Variants in CLSTN2 observed in about 807,000 individuals in gnomAD.
CLSTN2 encodes the protein calsyntenin-2.
A neutral mutation model predicts 101.2 loss-of-function variants in CLSTN2; 48 were observed. That is an observed-to-expected ratio of 0.47 (90% confidence interval 0.38 to 0.60). The LOEUF (loss-of-function observed/expected upper bound fraction) is 0.60, where lower values mean the gene tolerates loss of function less well. CLSTN2 is among the 20% of genes least tolerant of loss of function. The pLI is 0.00. For missense variants in CLSTN2, 1,160 were observed against 1,238.2 expected (o/e 0.94, Z 0.95); for synonymous variants, 481 against 463.6 (o/e 1.04, Z -0.48).
chr3:140,099,097 T>C (rs911622802), intron 1 of CLSTN2, among the ~76,000 whole-genome samples: 2 of 152,172 alleles, frequency 1.3e-5, no homozygotes, highest in East Asian at 1.9e-4. Flanking sequence ...TCTCACCCAA[T>C]TGCAGTTTTC....
At chr3:140,384,450 G>A (rs185986279) in intron 2 of CLSTN2, among the ~76,000 whole-genome samples, 53 of 152,248 alleles carry the variant, frequency 3.5e-4, no homozygotes, top group African/African-American at 1.3e-3. Context: ...CTTCTGTGGG[G>A]GTTGTCAGCA....
intron 1 of CLSTN2, among the ~76,000 whole-genome samples, chr3:140,099,378 T>TC (rs780534648): frequency 1.3e-5 from 2 of 152,140 alleles, no homozygotes; most frequent in South Asian, 2.1e-4. Flanking sequence ...ATTGCTCTAA[T>TC]CTTTGCCTCC....
At chr3:140,163,753 A>G (rs568339101) in intron 1 of CLSTN2, among the ~76,000 whole-genome samples, 184 of 151,162 alleles carry the variant, frequency 1.2e-3, no homozygotes, top group Non-Finnish European at 2.2e-3. Flanking sequence ...CTGTTCCCTC[A>G]TCCATGAAGT....
intron 4 of CLSTN2, among the ~76,000 whole-genome samples, chr3:140,415,793 G>T (rs1392326065): frequency 2.6e-5 from 4 of 152,114 alleles, no homozygotes; most frequent in African/African-American, 7.2e-5. Context: ...CATCATGAAT[G>T]TACCTCAAAA....
chr3:140,001,565 A>G (rs1316819766), intron 1 of CLSTN2, among the ~76,000 whole-genome samples: 4 of 152,068 alleles, frequency 2.6e-5, no homozygotes, highest in African/African-American at 7.2e-5. Flanking sequence ...TAATAATAGC[A>G]TCTCATAAAG....
intron 5 of CLSTN2, among the ~76,000 whole-genome samples, chr3:140,430,200 G>A (rs998489889): frequency 8.5e-5 from 13 of 152,124 alleles, no homozygotes; most frequent in Non-Finnish European, 5.9e-5. Flanking sequence ...CTCTTTTACT[G>A]TCCTGCCAGG....
intron 1 of CLSTN2, among the ~76,000 whole-genome samples, chr3:139,945,220 C>T (rs556584751): frequency 5.3e-5 from 8 of 152,274 alleles, no homozygotes; most frequent in South Asian, 4.1e-4. Context: ...GTCATGGTCT[C>T]GGACTCATGT....
intron 8 of CLSTN2, among the ~76,000 whole-genome samples, chr3:140,503,166 C>A (rs1176551100): frequency 6.6e-6 from 1 of 152,112 alleles, no homozygotes; most frequent in African/African-American, 2.4e-5. Flanking sequence ...ATTGGACCCA[C>A]CTAAATGGTC....
intron 1 of CLSTN2, among the ~76,000 whole-genome samples, chr3:139,946,351 G>T (rs1297382789): frequency 1.3e-5 from 2 of 152,164 alleles, no homozygotes; most frequent in African/African-American, 4.8e-5. Flanking sequence ...TTTAATAAAA[G>T]GTACCCCAGC....
At chr3:140,429,439 G>C (rs2088605394) in intron 5 of CLSTN2, among the ~76,000 whole-genome samples, 1 of 152,174 alleles carries the variant, frequency 6.6e-6, no homozygotes. Context: ...CTTTAGCACA[G>C]AGAGGAGGGG....
chr3:140,233,448 T>G (rs1159101564), intron 2 of CLSTN2, among the ~76,000 whole-genome samples: 1 of 152,134 alleles, frequency 6.6e-6, no homozygotes, highest in Non-Finnish European at 1.5e-5. Flanking sequence ...GTATCTTCCT[T>G]CCTCCTCGAG....
intron 2 of CLSTN2, among the ~76,000 whole-genome samples, chr3:140,337,292 T>C (rs1211287206): frequency 6.6e-6 from 1 of 152,242 alleles, no homozygotes; most frequent in East Asian, 1.9e-4. Flanking sequence ...TTCTGAGGGC[T>C]GTGCAAAAGG....
intron 1 of CLSTN2, among the ~76,000 whole-genome samples, chr3:140,054,693 A>G (rs557502233): frequency 6.6e-6 from 1 of 152,352 alleles, no homozygotes; most frequent in East Asian, 1.9e-4. Flanking sequence ...GCCACTGCAT[A>G]TGAGTTTGTA....
rs961723966 is a variant in CLSTN2, at chr3:140,394,206, G to A, written c.233-9423G>A. 6.6e-5 allele frequency among the ~76,000 whole-genome samples: 6 copies of A among 90,768 alleles called. No homozygotes were observed. The Admixed American group carries it at 7.0e-4, about 11-fold the overall frequency. The allele number at this position is 90,768 out of a possible 152,430, so 59.5% of individuals were successfully genotyped here. ...CAAAAAAGAAAGTTCTATTCTGATTGTCGTATGATGACCATAGGACAATGG... is the reference window on the plus strand; with the variant it reads ...CAAAAAAGAAAGTTCTATTCTGATTATCGTATGATGACCATAGGACAATGG... On this transcript the variant is annotated intron_variant, in intron 2 of 16. Coordinates refer to ENST00000458420, the MANE Select transcript of CLSTN2 (RefSeq NM_022131.3).
intron 2 of CLSTN2, among the ~76,000 whole-genome samples, chr3:140,223,430 T>C (rs2107854293): frequency 6.6e-6 from 1 of 152,336 alleles, no homozygotes; most frequent in South Asian, 2.1e-4. Flanking sequence ...CTGGAGCTTG[T>C]TGCCAGCCCT....
At chr3:140,226,760 G>A (rs2086324099) in intron 2 of CLSTN2, among the ~76,000 whole-genome samples, 1 of 152,172 alleles carries the variant, frequency 6.6e-6, no homozygotes, top group Admixed American at 6.5e-5. Flanking sequence ...GTTCCATGTG[G>A]CTGGGGAAGC....
intron 2 of CLSTN2, among the ~76,000 whole-genome samples, chr3:140,367,511 CAAAA>C (rs34398474): frequency 0.39 from 37,537 of 97,080 alleles, 5,837 homozygotes; most frequent in Non-Finnish European, 0.48. Flanking sequence ...CACTTTGTCT[CAAAA>C]AAAAAAAAAA....
chr3:140,495,184 T>C (rs1934439286), intron 8 of CLSTN2, among the ~76,000 whole-genome samples: 1 of 152,222 alleles, frequency 6.6e-6, no homozygotes, highest in African/African-American at 2.4e-5. Flanking sequence ...TATCTCATTG[T>C]GGTTTTGACT....
intron 2 of CLSTN2, among the ~76,000 whole-genome samples, chr3:140,190,374 T>C (rs1388360670): frequency 2.7e-5 from 4 of 150,556 alleles, no homozygotes; most frequent in African/African-American, 9.8e-5. Flanking sequence ...TTTTCAAAAC[T>C]GTTTTAACTA....
Sources: gnomAD v4.1 joint callset for allele counts (sites outside exome capture counted in the v4.1 genomes callset) on GRCh38, gnomAD v4.1.1 for gene constraint, MANE v1.5 for transcripts, NCBI Gene and HGNC (gene_info 2026-07-23, HGNC 2026-07-21) for gene names.